Variants in EFHB observed in about 807,000 individuals in gnomAD.
The protein encoded by EFHB is EF-hand domain family member B.
In EFHB, 91 loss-of-function variants were observed where a neutral mutation model predicts 87.2. The observed-to-expected ratio is 1.04, with a 90% CI of 0.88 to 1.24. The LOEUF is 1.24. EFHB is among the 50% of genes most tolerant of loss of function. EFHB has a pLI of 0.00. For synonymous variants in EFHB, 325 were observed against 333.6 expected, an observed-to-expected ratio of 0.97 and a Z score of 0.28; for missense variants, 1,084 against 998.8, an observed-to-expected ratio of 1.09 and a Z score of -1.15.
At chr3:19,903,955 C>T (rs1388969703) in intron 6 of EFHB, among the ~76,000 whole-genome samples, 1 of 152,160 alleles carries the variant, frequency 6.6e-6, no homozygotes, top group Non-Finnish European at 1.5e-5. Context: ...AGTTATAATA[C>T]ACCTATCCTG....
chr3:19,925,876 C>T (rs1276952191), intron 1 of EFHB, among the ~76,000 whole-genome samples: 1 of 152,148 alleles, frequency 6.6e-6, no homozygotes, highest in East Asian at 1.9e-4. Context: ...GGTCAAGATC[C>T]CTCTGTTTTA....
intron 8 of EFHB, among the ~76,000 whole-genome samples, chr3:19,898,503 T>C (rs1694559712): frequency 6.6e-6 from 1 of 152,216 alleles, no homozygotes; most frequent in African/African-American, 2.4e-5. Flanking sequence ...TTGTTTAATA[T>C]AGGCCATATT....
intron 12 of EFHB, among the ~76,000 whole-genome samples, chr3:19,881,988 A>C (rs1373327518): frequency 6.6e-6 from 1 of 151,690 alleles, no homozygotes; most frequent in Non-Finnish European, 1.5e-5. Flanking sequence ...GGAACATCTC[A>C]GATGTGGGCA....
chr3:19,922,631 G>A (rs540681465), intron 1 of EFHB, among the ~76,000 whole-genome samples: 47 of 152,282 alleles, frequency 3.1e-4, no homozygotes, highest in African/African-American at 1.1e-3. Context: ...GCAGTGTATA[G>A]GAAAGGCAGT....
At chr3:19,881,482 G>A (rs2071674553) in intron 12 of EFHB, among the ~76,000 whole-genome samples, 1 of 152,160 alleles carries the variant, frequency 6.6e-6, no homozygotes, top group Non-Finnish European at 1.5e-5. Flanking sequence ...TATGAAACAA[G>A]CAGGAGATTT....
intron 2 of EFHB, 102 bp from the exon 3 acceptor site, chr3:19,920,078 T>A: frequency 8.4e-7 from 1 of 1,187,306 alleles, no homozygotes; most frequent in Non-Finnish European, 1.2e-6. Flanking sequence ...TGCATGTATG[T>A]AGTAAATGCA....
upstream of EFHB, among the ~76,000 whole-genome samples, chr3:19,938,901 C>T (rs1696084134): frequency 6.6e-6 from 1 of 152,024 alleles, no homozygotes; most frequent in Non-Finnish European, 1.5e-5. Flanking sequence ...TTATGACTTT[C>T]TGGTTTGCTT....
intron 6 of EFHB, among the ~76,000 whole-genome samples, chr3:19,902,332 G>A (rs111887605): frequency 1.4e-3 from 208 of 152,092 alleles, no homozygotes; most frequent in African/African-American, 4.7e-3. Context: ...TATAGATAGA[G>A]ATCGTTTTTG....
At chr3:19,884,637 G>GA (rs775230522) in intron 10 of EFHB, 22 bp from the exon 11 acceptor site, 3 of 1,599,682 alleles carry the variant, frequency 1.9e-6, no homozygotes, top group Admixed American at 3.5e-5. Context: ...ATAAATGAAA[G>GA]AAAAAATGCA....
chr3:19,923,859 C>T (rs6808697), intron 1 of EFHB, among the ~76,000 whole-genome samples: 24,766 of 152,164 alleles, frequency 0.16, 2,254 homozygotes, highest in South Asian at 0.24. Context: ...TTCTAAAAGA[C>T]AACCTGAGAA....
At chr3:19,888,915 C>T (rs979179597) in intron 9 of EFHB, among the ~76,000 whole-genome samples, 1 of 152,070 alleles carries the variant, frequency 6.6e-6, no homozygotes, top group Non-Finnish European at 1.5e-5. Context: ...GTTTTTAATA[C>T]CTTCTGTGTT....
intron 1 of EFHB, among the ~76,000 whole-genome samples, chr3:19,928,883 C>T (rs1377912548): frequency 6.6e-6 from 1 of 151,522 alleles, no homozygotes; most frequent in South Asian, 2.1e-4. Context: ...CCTAAAATAT[C>T]CATACACAAG....
chr3:19,940,783 C>A, intron 1 of EFHB: 1 of 357,226 alleles, frequency 2.8e-6, no homozygotes. Flanking sequence ...CCTTGGAGTG[C>A]CAAAGGTATG....
intron 5 of EFHB, among the ~76,000 whole-genome samples, chr3:19,906,145 A>G (rs1219570580): frequency 6.6e-6 from 1 of 152,182 alleles, no homozygotes; most frequent in East Asian, 1.9e-4. Flanking sequence ...TCTGGCCAAC[A>G]TGGTGAAACC....
intron 1 of EFHB, chr3:19,940,778 G>T: frequency 2.8e-6 from 1 of 356,100 alleles, no homozygotes; most frequent in South Asian, 2.4e-5. Context: ...GAACACCTTG[G>T]AGTGCCAAAG....
chr3:19,936,092 C>A, upstream of EFHB: 1 of 1,300,264 alleles, frequency 7.7e-7, no homozygotes, highest in Non-Finnish European at 9.8e-7. Flanking sequence ...CCTTAAAATC[C>A]AAAAATATTT....
At chr3:19,919,735 G>C in intron 3 of EFHB, 98 bp downstream of exon 3, 1 of 1,200,858 alleles carries the variant, frequency 8.3e-7, no homozygotes, top group South Asian at 1.5e-5. Context: ...ATATGGGTGG[G>C]AAGGAGATTG....
intron 5 of EFHB, among the ~76,000 whole-genome samples, chr3:19,912,329 C>T (rs1695090293): frequency 6.6e-6 from 1 of 151,910 alleles, no homozygotes; most frequent in Admixed American, 6.6e-5. Context: ...AACTTTTATT[C>T]TAGAATAGTA....
intron 1 of EFHB, among the ~76,000 whole-genome samples, chr3:19,944,421 A>T (rs1048688424): frequency 3.9e-5 from 6 of 152,178 alleles, no homozygotes; most frequent in Non-Finnish European, 7.4e-5. Context: ...AGTTCTATCA[A>T]CTGGTAGGAC....
Sources: allele counts gnomAD v4.1 joint callset (sites outside exome capture counted in the v4.1 genomes callset), GRCh38; gene constraint gnomAD v4.1.1; transcripts MANE v1.5; gene names NCBI Gene and HGNC (gene_info 2026-07-23, HGNC 2026-07-21).